COL6A1: variants seen among roughly 807,000 people sequenced by gnomAD.
COL6A1 encodes collagen type VI alpha 1 chain, also known as collagen alpha-1(VI) chain.
In COL6A1, 80 loss-of-function variants were observed where a neutral mutation model predicts 145.6. That is an observed-to-expected ratio of 0.55 (90% CI 0.46 to 0.66). The LOEUF (loss-of-function observed/expected upper bound fraction) is 0.66, where lower values mean the gene tolerates loss of function less well. Among genes scored for constraint, COL6A1 ranks in the 30% least tolerant of loss-of-function variants. COL6A1 has a pLI of 0.00. For synonymous variants in COL6A1, 638 were observed against 622.8 expected (o/e 1.02, Z -0.36); for missense variants, 1,364 against 1,473.8 (o/e 0.93, Z 1.22).
Position 45,986,638 on chromosome 21 carries a change from C to A in COL6A1, c.541C>A (p.His181Asn). 6.4e-7 allele frequency: 1 copy of A among 1,552,620 alleles called. No individual in the cohort carries two copies. The highest frequency in any genetic ancestry group is 1.2e-5 in the South Asian group (1 of 84,170). Residue 181 changes from histidine (H) to asparagine (N), a missense_variant, in exon 4 of 35, where the codon CAC becomes AAC. Transcript: ENST00000361866. ...GLEDAVNEAK[H>N]LGVKVFSVAI... ...GGAGGATGCTGTGAACGAGGCCAAG[C>A]ACCTGGGCGTCAAAGTCTTCTCGGT...
chr21:46,002,463 C>T (rs1227903575), intron 32 of COL6A1, 62 bp downstream of exon 32: 1 of 1,613,174 alleles, frequency 6.2e-7, no homozygotes, highest in Non-Finnish European at 8.5e-7. Flanking sequence ...GCCAGGGTGG[C>T]CTTGTCCCCA....
At chr21:46,001,896 C>T (rs1243376526) in intron 30 of COL6A1, 65 bp from the exon 31 acceptor site, 2 of 1,439,872 alleles carry the variant, frequency 1.4e-6, no homozygotes, top group African/African-American at 2.8e-5. Flanking sequence ...AATAGAGTCA[C>T]CCTTGGGAAG....
Position 45,987,068 on chromosome 21 carries a change from T to C in COL6A1, c.713T>C (p.Met238Thr). The change falls in exon 5 of 35, where the codon ATG becomes ACG. Residue 238 changes from methionine (M) to threonine (T), a missense_variant. By Grantham distance (81) the Met-to-Thr change is moderately conservative. Coordinates refer to ENST00000361866, the MANE Select transcript of COL6A1 (RefSeq NM_001848.3). ...CAGACCATCGACACCATCGTGGACA[T>C]GATCGTGAGGCCCCTGCCCAGGAGA... is the stretch of plus-strand genomic sequence containing the variant. ...ISQTIDTIVD[M>T]IKNNVEQVCC... 3 of 1,557,004 alleles carry C rather than the reference T, an allele frequency of 1.9e-6. No individual in the cohort carries two copies. The highest frequency in any genetic ancestry group is 1.7e-6 in the Non-Finnish European group (2 of 1,150,824).
chr21:45,981,841 G>C lies in COL6A1; in HGVS notation c.-10G>C, dbSNP rs1300109797. 1 of 1,574,068 alleles carries C rather than the reference G, an allele frequency of 6.4e-7. No individual in the cohort carries two copies. The highest frequency in any genetic ancestry group is 1.4e-5 in the African/African-American group (1 of 73,284). Reference sequence around the variant, plus strand: ...CTGGCCGCGCTGTGTGGTGACCGCAGGCCCCAGACATGAGGGCGGCCCGTG... The same window carrying C: ...CTGGCCGCGCTGTGTGGTGACCGCACGCCCCAGACATGAGGGCGGCCCGTG... On this transcript the variant is annotated 5_prime_UTR_variant, in exon 1 of 35. Coordinates refer to ENST00000361866, the MANE Select transcript of COL6A1 (RefSeq NM_001848.3).
In COL6A1 at chr21:46,002,571, C is replaced by T; in HGVS notation, c.2295C>T (p.Gly765=). ...GIKDVFDFIP[G]SDQLNVISCQ... ...AAGACGTGTTTGACTTCATCCCAGG[C>T]TCAGACCAGCTCAATGTCATTTCTT... The change falls in exon 33 of 35, where the codon GGC becomes GGT. Residue 765 remains glycine, a synonymous_variant. Transcript: ENST00000361866. 1 of 1,614,180 alleles carries T rather than the reference C, an allele frequency of 6.2e-7. No homozygotes were observed. The highest frequency in any genetic ancestry group is 8.5e-7 in the Non-Finnish European group (1 of 1,180,020).
chr21:45,999,117 T>C (rs1401507007), intron 25 of COL6A1, 36 bp from the exon 26 acceptor site: 1 of 1,565,486 alleles, frequency 6.4e-7, no homozygotes, highest in Non-Finnish European at 8.7e-7. Flanking sequence ...GCCCGGGTGG[T>C]GCACGGTCTG....
At chr21:46,003,064 T>C (rs2077858096) in intron 33 of COL6A1, 56 bp from the exon 34 acceptor site, 1 of 1,613,316 alleles carries the variant, frequency 6.2e-7, no homozygotes. Flanking sequence ...GACATCTCCT[T>C]GCGGGGTTAT....
chr21:45,986,533 C>A lies in COL6A1; in HGVS notation c.436C>A (p.His146Asn), dbSNP rs868272036. The change falls in exon 4 of 35, where the codon CAC (histidine) becomes AAC (asparagine). Residue 146 changes from histidine (H) to asparagine (N), a missense_variant. His to Asn is a moderately conservative substitution (Grantham distance 68). Around this residue, in one of 3 missense-constraint regions of COL6A1, gnomAD observed 414 missense variants for 437.6 expected, o/e 0.95. Coordinates refer to ENST00000361866, the MANE Select transcript of COL6A1 (RefSeq NM_001848.3). ...GLEQLLVGGSHLKENKYLIVV... is the reference protein window; with the variant it reads ...GLEQLLVGGSNLKENKYLIVV... ...CTGCCCTCTCCTGTCCAGGGGCTCC[C>A]ACCTGAAGGAGAATAAGTACCTGAT... The A allele has an allele frequency of 6.4e-7, 1 of 1,559,946 alleles. No individual in the cohort carries two copies. Among genetic ancestry groups the A allele is most frequent in the South Asian group, 1.2e-5 (1 of 84,604 alleles).
In COL6A1 at chr21:45,988,297, GGACGGCGGGGTCCA is replaced by G. The variant is rs1239584627; in HGVS notation, c.804+646_804+659del. On this transcript the variant is annotated intron_variant, in intron 8 of 34. Transcript: ENST00000361866. ...GGGGACGGCGGGGTCCAGATGGAGG[GGACGGCGGGGTCCA>G]GATGGAGGGGACGGCGGGGTCCAGA... Among the ~76,000 whole-genome samples the G allele has an allele frequency of 1.6e-3, 52 of 31,644 alleles. 19 individuals carry two copies. The highest frequency in any genetic ancestry group is 3.6e-3 in the Non-Finnish European group (43 of 11,874). The allele number at this position is 31,644 out of a possible 152,430, so 20.8% of individuals were successfully genotyped here.
Position 45,994,455 on chromosome 21 carries a change from G to A in COL6A1, c.1398+226G>A, listed in dbSNP as rs1039599486. Among the ~76,000 whole-genome samples, 3 of 152,150 alleles carry A rather than the reference G, an allele frequency of 2.0e-5. No homozygotes were observed. Among genetic ancestry groups the A allele is most frequent in the Non-Finnish European group, 4.4e-5 (3 of 68,006 alleles). ...GAGCAGGCCCAGCGCCCGGGGGCCT[G>A]ACGCTGAGACGCTCAGCCCAGGTGG... is the stretch of plus-strand genomic sequence containing the variant. On this transcript the variant is annotated intron_variant, in intron 20 of 34. Transcript: ENST00000361866. This position sits in a 1 kb window ranked among gnomAD's most constrained non-coding sequence, Gnocchi z 6.8.
Position 46,003,572 on chromosome 21 carries a change from CCAG to C in COL6A1, c.2651_2653del (p.Gln884del). 2 of 1,612,632 alleles carry C rather than the reference CCAG, an allele frequency of 1.2e-6. No individual in the cohort carries two copies. The highest frequency in any genetic ancestry group is 1.7e-6 in the Non-Finnish European group (2 of 1,179,740). ...CGGTGGTGCAGTACAGCGGCACGGGCCAGCAGCGCCCAGAGCGGGCGTCGCTGC... is the reference window on the plus strand; with the variant it reads ...CGGTGGTGCAGTACAGCGGCACGGGCCAGCGCCCAGAGCGGGCGTCGCTGC... On this transcript the variant is annotated inframe_deletion, in exon 35 of 35. Coordinates refer to ENST00000361866, the MANE Select transcript of COL6A1 (RefSeq NM_001848.3).
intron 20 of COL6A1, among the ~76,000 whole-genome samples, chr21:45,996,376 G>A (rs1054852082): frequency 1.3e-5 from 2 of 152,226 alleles, no homozygotes; most frequent in African/African-American, 4.8e-5. Flanking sequence ...AAGGGTGCAG[G>A]AGCTTCACAG....
intron 2 of COL6A1, 142 bp downstream of exon 2, chr21:45,982,905 G>A (rs965152493): frequency 4.7e-5 from 55 of 1,177,044 alleles, no homozygotes; most frequent in Middle Eastern, 2.4e-4. Flanking sequence ...CCCTCCCGGC[G>A]CCCTCCAGAG....
rs775668520 is a variant in COL6A1, at chr21:45,987,592, G to A, written c.760-18G>A. The A allele has an allele frequency of 1.2e-5, 19 of 1,612,414 alleles. No individual in the cohort carries two copies. Among genetic ancestry groups the A allele is most frequent in the African/African-American group, 5.3e-5 (4 of 75,054 alleles). Reference sequence around the variant, plus strand: ...CCTGAGTCTGGGGTCCTGGCTGACCGTCCCCTCTGCCTTGCAGCCTGCAAG... The same window carrying A: ...CCTGAGTCTGGGGTCCTGGCTGACCATCCCCTCTGCCTTGCAGCCTGCAAG... On this transcript the variant is annotated intron_variant, in intron 7 of 34. Transcript: ENST00000361866.
At chr21:46,001,434 C>T (rs1018574441) in intron 30 of COL6A1, 48 bp downstream of exon 30, 31 of 1,599,424 alleles carry the variant, frequency 1.9e-5, no homozygotes, top group Non-Finnish European at 2.4e-5. Context: ...TGCACCCCGA[C>T]CCTGCCGGCC....
intron 34 of COL6A1, 56 bp downstream of exon 34, chr21:46,003,205 G>A: frequency 6.2e-7 from 1 of 1,613,196 alleles, no homozygotes; most frequent in Non-Finnish European, 8.5e-7. Flanking sequence ...GTTGGGGCGA[G>A]GGCTCTGAGA....
chr21:46,001,443 C>A, intron 30 of COL6A1, 57 bp downstream of exon 30: 1 of 1,594,834 alleles, frequency 6.3e-7, no homozygotes, highest in East Asian at 2.2e-5. Flanking sequence ...ACCCTGCCGG[C>A]CGCCCCTGCC....
In COL6A1 at chr21:45,981,793, CGGCGGCGGCGGCCCACTCTGCCCT is replaced by C. The variant is rs2077708309; in HGVS notation, c.-54_-31del. ...GCAGAAGGCAGCCTCGGTCTCTGGGCGGCGGCGGCGGCCCACTCTGCCCTGGCCGCGCTGTGTGGTGACCGCAGG... is the reference window on the plus strand; with the variant it reads ...GCAGAAGGCAGCCTCGGTCTCTGGGCGGCCGCGCTGTGTGGTGACCGCAGG... On this transcript the variant is annotated 5_prime_UTR_variant, in exon 1 of 35. Coordinates refer to ENST00000361866, the MANE Select transcript of COL6A1 (RefSeq NM_001848.3). 2.3e-6 allele frequency: 3 copies of C among 1,280,662 alleles called. No homozygotes were observed. Among genetic ancestry groups the C allele is most frequent in the Non-Finnish European group, 3.2e-6 (3 of 924,310 alleles). The allele number at this position is 1,280,662 out of a possible 1,614,324, so 79.3% of individuals were successfully genotyped here. A position where few individuals can be genotyped will look rare whatever the true frequency, so the allele number is the denominator to read the frequency against.
chr21:45,983,629 G>A (rs2077720846), intron 2 of COL6A1, among the ~76,000 whole-genome samples: 1 of 151,066 alleles, frequency 6.6e-6, no homozygotes, highest in South Asian at 2.1e-4. Context: ...TGAGCTTAGT[G>A]GACATGGCCA....
Sources: allele counts gnomAD v4.1 joint callset (sites outside exome capture counted in the v4.1 genomes callset), GRCh38; gene constraint gnomAD v4.1.1; regional missense constraint gnomAD v4.1.1; non-coding constraint Gnocchi (gnomAD v3.1); transcripts MANE v1.5; gene names NCBI Gene and HGNC (gene_info 2026-07-23, HGNC 2026-07-21).